The following TMTC3 variants were observed in gnomAD, a reference collection of about 807,000 sequenced individuals.
The protein encoded by TMTC3 is protein O-mannosyl-transferase TMTC3.
TMTC3 carries 52 observed loss-of-function variants against 92.2 expected under a neutral mutation model. The observed-to-expected ratio is 0.56, with a 90% CI of 0.45 to 0.71. TMTC3 has a LOEUF of 0.71. Ranked by LOEUF, TMTC3 falls within the 30% of genes least tolerant of loss-of-function variation. TMTC3 has a pLI of 0.00. For missense variants in TMTC3, 896 were observed against 1,057.1 expected (o/e 0.85, Z 2.11); for synonymous variants, 339 against 363.3 (o/e 0.93, Z 0.76).
intron 4 of TMTC3, among the ~76,000 whole-genome samples, chr12:88,154,840 C>A (rs151173693): frequency 6.6e-6 from 1 of 152,272 alleles, no homozygotes; most frequent in African/African-American, 2.4e-5. Flanking sequence ...TACCTTGTGA[C>A]CTACCCTGGA....
At chr12:88,158,411 G>A (rs2041034971) in intron 4 of TMTC3, among the ~76,000 whole-genome samples, 1 of 151,656 alleles carries the variant, frequency 6.6e-6, no homozygotes, top group Admixed American at 6.6e-5. Context: ...CCTCTATGAA[G>A]TTCTTGTTGA....
At chr12:88,185,492 G>A (rs569232535) in intron 10 of TMTC3, among the ~76,000 whole-genome samples, 1 of 152,186 alleles carries the variant, frequency 6.6e-6, no homozygotes, top group African/African-American at 2.4e-5. Context: ...ACCTGTTGAT[G>A]GATGTTTGGA....
intron 9 of TMTC3, among the ~76,000 whole-genome samples, chr12:88,175,142 G>A (rs1429249880): frequency 6.7e-6 from 1 of 149,558 alleles, no homozygotes; most frequent in Non-Finnish European, 1.5e-5. Flanking sequence ...TGTTATAATC[G>A]ATGGCATCAA....
At chr12:88,180,007 C>T (rs111776512) in intron 10 of TMTC3, among the ~76,000 whole-genome samples, 3,750 of 152,202 alleles carry the variant, frequency 0.025, 141 homozygotes, top group African/African-American at 0.083. Flanking sequence ...CCTGGCCTTC[C>T]AAAAAGATTT....
chr12:88,178,695 C>A (rs1377658379), intron 10 of TMTC3, among the ~76,000 whole-genome samples: 1 of 152,098 alleles, frequency 6.6e-6, no homozygotes, highest in Non-Finnish European at 1.5e-5. Context: ...TAATTACTTT[C>A]TTAAGTCTTG....
At chr12:88,156,001 C>T (rs2041004498) in intron 4 of TMTC3, among the ~76,000 whole-genome samples, 2 of 151,840 alleles carry the variant, frequency 1.3e-5, no homozygotes, top group Admixed American at 1.3e-4. Flanking sequence ...TCCCACCTAC[C>T]CGGAAGAATG....
In TMTC3 at chr12:88,197,059, TG is replaced by T. The variant is rs34201976; in HGVS notation, c.*1413del. On this transcript the variant is annotated 3_prime_UTR_variant, in exon 14 of 14. Transcript: ENST00000266712. ...AATATGAAAGCTCTGGCTATCATCC[TG>T]GGATAGTAATTTCTAATTATATAGT... 6.6e-6 allele frequency: 1 copy of T among 152,206 alleles called. No individual in the cohort carries two copies. Among genetic ancestry groups the T allele is most frequent in the South Asian group, 2.1e-4 (1 of 4,830 alleles). 9.4% of individuals were successfully genotyped at this position (152,206 alleles called of 1,614,324 possible).
At chr12:88,174,905 A>G (rs1007967958) in intron 9 of TMTC3, among the ~76,000 whole-genome samples, 178 bp downstream of exon 9, 2 of 152,182 alleles carry the variant, frequency 1.3e-5, no homozygotes, top group Non-Finnish European at 2.9e-5. Flanking sequence ...AATGCTCTGA[A>G]TAATACTTAG....
At chr12:88,179,867 A>G (rs542397814) in intron 10 of TMTC3, among the ~76,000 whole-genome samples, 131 of 152,336 alleles carry the variant, frequency 8.6e-4, no homozygotes, top group African/African-American at 3.0e-3. Context: ...TTCTGGAGAC[A>G]GGAGTAAACA....
chr12:88,190,288 A>G (rs966886370), intron 11 of TMTC3, among the ~76,000 whole-genome samples, 165 bp from the exon 12 acceptor site: 5 of 152,178 alleles, frequency 3.3e-5, no homozygotes, highest in African/African-American at 9.7e-5. Context: ...TTAGAAGTCA[A>G]GGTATCTTAG....
Position 88,172,669 on chromosome 12 carries a change from G to A in TMTC3, c.1123G>A (p.Glu375Lys), listed in dbSNP as rs750602559. ...LFFPVGFVVAERVLYVPSMGF... is the reference protein window; with the variant it reads ...LFFPVGFVVAKRVLYVPSMGF... ...TTTTCCAGTTGGATTTGTTGTTGCC[G>A]AGCGAGTATTATATGTTCCCAGCAT... The change falls in exon 8 of 14, where the codon GAG becomes AAG. Residue 375 changes from glutamate (E) to lysine (K), a missense_variant. Coordinates refer to ENST00000266712, the MANE Select transcript of TMTC3 (RefSeq NM_181783.4). 2 of 1,587,178 alleles carry A rather than the reference G, an allele frequency of 1.3e-6. No homozygotes were observed. Among genetic ancestry groups the A allele is most frequent in the South Asian group, 1.2e-5 (1 of 86,506 alleles).
chr12:88,158,248 C>T (rs1388021883), intron 4 of TMTC3, among the ~76,000 whole-genome samples: 2 of 152,116 alleles, frequency 1.3e-5, no homozygotes, highest in African/African-American at 4.8e-5. Flanking sequence ...CACATCCATT[C>T]ATACTATTCT....
rs541829755 is a variant in TMTC3, at chr12:88,185,174, T to A, written c.1433-3669T>A. On this transcript the variant is annotated intron_variant, in intron 10 of 13. Transcript: ENST00000266712. ...TGTGAGACCATAATTACAATTAAGA[T>A]ACTGAAAATATCCATCAACCCCTCA... 9.2e-5 allele frequency among the ~76,000 whole-genome samples: 14 copies of A among 152,270 alleles called. No homozygotes were observed. In the East Asian group the frequency reaches 2.7e-3, roughly 29 times the overall value.
At chr12:88,159,037 AG>A (rs1349529110) in intron 4 of TMTC3, among the ~76,000 whole-genome samples, 2 of 148,706 alleles carry the variant, frequency 1.3e-5, no homozygotes, top group Non-Finnish European at 3.0e-5. Context: ...GGGCAACAAG[AG>A]CGAAACTCTG....
intron 10 of TMTC3, among the ~76,000 whole-genome samples, chr12:88,185,305 T>C (rs1215640074): frequency 6.6e-6 from 1 of 152,126 alleles, no homozygotes; most frequent in Non-Finnish European, 1.5e-5. Context: ...TTTCTAAAAT[T>C]GTGTATGAAT....
chr12:88,175,013 G>C (rs2041244001), intron 9 of TMTC3, among the ~76,000 whole-genome samples: 1 of 152,032 alleles, frequency 6.6e-6, no homozygotes, highest in Non-Finnish European at 1.5e-5. Flanking sequence ...ATATTTCATT[G>C]GTTCTAAAGG....
chr12:88,157,295 T>C (rs919772407), intron 4 of TMTC3, among the ~76,000 whole-genome samples: 1 of 151,752 alleles, frequency 6.6e-6, no homozygotes, highest in Admixed American at 6.6e-5. Flanking sequence ...AGCCACAGTT[T>C]CCACATCATC....
At chr12:88,145,266 C>G (rs78947543) in intron 1 of TMTC3, among the ~76,000 whole-genome samples, 5,917 of 152,198 alleles carry the variant, frequency 0.039, 189 homozygotes, top group African/African-American at 0.087. Context: ...TGGTTAATGG[C>G]TTAATTCACA....
chr12:88,177,554 G>T (rs774017572), intron 10 of TMTC3, among the ~76,000 whole-genome samples: 5 of 152,166 alleles, frequency 3.3e-5, no homozygotes, highest in Non-Finnish European at 7.4e-5. Context: ...AAGATCAGTG[G>T]ATCTGAGGAA....
Sources: gnomAD v4.1 joint callset for allele counts (sites outside exome capture counted in the v4.1 genomes callset) on GRCh38, gnomAD v4.1.1 for gene constraint, MANE v1.5 for transcripts, NCBI Gene and HGNC (gene_info 2026-07-23, HGNC 2026-07-21) for gene names.